Variants in PCNX1 observed in about 807,000 individuals in gnomAD.
PCNX1 encodes pecanex 1, also known as pecanex-like protein 1.
In PCNX1, 78 loss-of-function variants were observed where a neutral mutation model predicts 242.2. The ratio of observed to expected loss-of-function variants is 0.32; its 90% CI spans 0.27 to 0.39. The LOEUF (loss-of-function observed/expected upper bound fraction) is 0.39. Ranked by LOEUF, PCNX1 falls within the 10% of genes least tolerant of loss-of-function variation. The probability of loss-of-function intolerance (pLI) is 1.00; values close to 1 mark genes in which losing one functional copy is unlikely to be tolerated. For missense variants in PCNX1, 2,581 were observed against 2,856.5 expected (o/e 0.90, Z 2.20); for synonymous variants, 1,024 against 1,032.9 (o/e 0.99, Z 0.17).
chr14:70,928,748 A>G (rs748322525), intron 1 of PCNX1, among the ~76,000 whole-genome samples: 3 of 152,214 alleles, frequency 2.0e-5, no homozygotes, highest in Non-Finnish European at 4.4e-5. Context: ...AATGGCATGC[A>G]GTCTCCAGAT....
intron 16 of PCNX1, among the ~76,000 whole-genome samples, 171 bp from the exon 17 acceptor site, chr14:71,033,258 C>G (rs948011392): frequency 2.6e-5 from 4 of 152,150 alleles, no homozygotes; most frequent in Non-Finnish European, 5.9e-5. Context: ...TCTAACTCAT[C>G]AGAAAGTAAT....
chr14:70,968,219 C>G lies in PCNX1; in HGVS notation c.490C>G (p.Leu164Val), dbSNP rs1432189601. ...SNQIGSGSSR[L>V]GTAATIKGDT... The stretch of plus-strand genomic sequence containing the variant: ...TCAGATTGGATCTGGTTCCTCGCGT[C>G]TTGGAACAGCAGCAACTATTAAAGG... Residue 164 changes from leucine to valine, a missense_variant, in exon 4 of 36, where the codon CTT becomes GTT. This residue lies in a region of PCNX1 where 1,204 missense variants were observed against 1,216.7 expected (regional missense o/e 0.99). Coordinates refer to ENST00000304743, the MANE Select transcript of PCNX1 (RefSeq NM_014982.3). 6.2e-7 allele frequency: 1 copy of G among 1,613,108 alleles called. No individual in the cohort carries two copies. The highest frequency in any genetic ancestry group is 1.1e-5 in the South Asian group (1 of 91,028).
intron 27 of PCNX1, among the ~76,000 whole-genome samples, chr14:71,074,184 AC>A (rs2141439163): frequency 6.6e-6 from 1 of 152,362 alleles, no homozygotes; most frequent in Non-Finnish European, 1.5e-5. Flanking sequence ...AGATCCTCTA[AC>A]AAGTAGAGTT....
At chr14:71,105,063 C>A (rs1218377727) in intron 32 of PCNX1, among the ~76,000 whole-genome samples, 172 bp from the exon 33 acceptor site, 1 of 152,164 alleles carries the variant, frequency 6.6e-6, no homozygotes, top group Non-Finnish European at 1.5e-5. Flanking sequence ...GTTCTTAAGC[C>A]ACTCTTTGAA....
chr14:70,977,786 C>T lies in PCNX1; in HGVS notation c.1449C>T (p.Ser483=), dbSNP rs2058726925. ...SDEMHNQRGL[S]TSASEEANKN... ...AGATGCACAACCAGAGAGGTCTCAG[C>T]ACCTCTGCATCTGAAGAAGCCAATA... The change falls in exon 6 of 36, where the codon AGC becomes AGT. Residue 483 remains serine (S), a synonymous_variant. Coordinates refer to ENST00000304743, the MANE Select transcript of PCNX1 (RefSeq NM_014982.3). The T allele has an allele frequency of 2.5e-6, 4 of 1,613,974 alleles. No homozygotes were observed. Among genetic ancestry groups the T allele is most frequent in the East Asian group, 2.2e-5 (1 of 44,866 alleles).
In PCNX1 at chr14:71,047,209, G is replaced by A. The variant is rs1011257535; in HGVS notation, c.4160+104G>A. On this transcript the variant is annotated intron_variant, in intron 21 of 35. Coordinates refer to ENST00000304743, the MANE Select transcript of PCNX1 (RefSeq NM_014982.3). ...TAAATAATTGTTTCCTTCATGCAAG[G>A]CACTGTGAGATTAAAAATTTAGGTG... The A allele has an allele frequency of 1.5e-5, 10 of 676,426 alleles. No individual in the cohort carries two copies. The African/African-American group carries it at 1.9e-4, about 13-fold the overall frequency. 41.9% of individuals were successfully genotyped at this position (676,426 alleles called of 1,614,324 possible). A position where few individuals can be genotyped will look rare whatever the true frequency, so the allele number is the denominator to read the frequency against.
At chr14:71,051,825 G>T (rs1465127847) in intron 23 of PCNX1, 58 bp from the exon 24 acceptor site, 3 of 1,563,062 alleles carry the variant, frequency 1.9e-6, no homozygotes, top group East Asian at 2.3e-5. Context: ...TTTTGCGAGG[G>T]TTTGTTTGGC....
intron 1 of PCNX1, among the ~76,000 whole-genome samples, chr14:70,941,275 G>T (rs1566594366): frequency 6.6e-6 from 1 of 152,136 alleles, no homozygotes; most frequent in Non-Finnish European, 1.5e-5. Flanking sequence ...TCTACCTTTG[G>T]TCTTTGATGA....
At position 71,009,641 on chromosome 14, in the gene PCNX1, C is replaced by T. The variant is rs752766652; in HGVS notation, c.2637C>T (p.Phe879=). ...GSSLHDELGK[F]SSTLYETGGC... ...TAATCATTTATTTGCTAGGTAAGTT[C>T]TCTTCTACGCTGTATGAGACTGGTG... The change falls in exon 9 of 36, where the codon TTC becomes TTT. Residue 879 remains phenylalanine, a synonymous_variant. Coordinates refer to ENST00000304743, the MANE Select transcript of PCNX1 (RefSeq NM_014982.3). The T allele has an allele frequency of 6.5e-7, 1 of 1,545,184 alleles. No homozygotes were observed. Among genetic ancestry groups the T allele is most frequent in the Non-Finnish European group, 8.8e-7 (1 of 1,133,870 alleles).
chr14:70,984,410 G>A lies in PCNX1; in HGVS notation c.2312-4157G>A, dbSNP rs182542424. Among the ~76,000 whole-genome samples the A allele has an allele frequency of 7.4e-5, 11 of 148,940 alleles. 1 individual carries two copies. Among genetic ancestry groups the A allele is most frequent in the East Asian group, 2.0e-4 (1 of 5,124 alleles). On this transcript the variant is annotated intron_variant, in intron 6 of 35. Coordinates refer to ENST00000304743, the MANE Select transcript of PCNX1 (RefSeq NM_014982.3). Reference sequence around the variant, plus strand: ...ATTGACATCATTTTTTTTTTGAGACGGAGTCTCACTCTGTTGCCCAGGCTG... The same window carrying A: ...ATTGACATCATTTTTTTTTTGAGACAGAGTCTCACTCTGTTGCCCAGGCTG...
In PCNX1 at chr14:71,113,370, A is replaced by T. The variant is rs2141944658; in HGVS notation, c.*3435A>T. 1 of 152,762 alleles carries T rather than the reference A, an allele frequency of 6.5e-6. No individual in the cohort carries two copies. Among genetic ancestry groups the T allele is most frequent in the East Asian group, 1.9e-4 (1 of 5,194 alleles). 9.5% of individuals were successfully genotyped at this position (152,762 alleles called of 1,614,324 possible). A position where few individuals can be genotyped will look rare whatever the true frequency, so the allele number is the denominator to read the frequency against. On this transcript the variant is annotated 3_prime_UTR_variant, in exon 36 of 36. Transcript: ENST00000304743. ...ATATGGAAAATTACTCTGTATACTAAATGTCAGGCAATGAAAATGTAAGTT... is the reference window on the plus strand; with the variant it reads ...ATATGGAAAATTACTCTGTATACTATATGTCAGGCAATGAAAATGTAAGTT...
rs753773993 is a variant in PCNX1, at chr14:71,055,492, TA to T, written c.4578-11del. On this transcript the variant is annotated splice_polypyrimidine_tract_variant and intron_variant, in intron 24 of 35. Transcript: ENST00000304743. ...GTAAAGAAAGTTACTAAAAATGTTT[TA>T]TTTTCTTTAGCACAAAACGAGTGGA... is the stretch of plus-strand genomic sequence containing the variant. 1.1e-5 allele frequency: 17 copies of T among 1,563,306 alleles called. No individual in the cohort carries two copies. Among genetic ancestry groups the T allele is most frequent in the Non-Finnish European group, 1.5e-5 (17 of 1,138,324 alleles).
In PCNX1 at chr14:70,978,587, G is replaced by T. The variant is rs1197627167; in HGVS notation, c.2250G>T (p.Arg750Ser). 1 of 1,613,982 alleles carries T rather than the reference G, an allele frequency of 6.2e-7. No homozygotes were observed. The highest frequency in any genetic ancestry group is 1.3e-5 in the African/African-American group (1 of 74,924). ...AGTTAGAGACAGTCACTCGATCTAG[G>T]AATAGCTTGCCAAACCAGGTTGCAT... ...ASQLETVTRS[R>S]NSLPNQVAFP... The change falls in exon 6 of 36, where the codon AGG becomes AGT. Residue 750 changes from arginine to serine, a missense_variant. This residue lies in a region of PCNX1 where 1,204 missense variants were observed against 1,216.7 expected (regional missense o/e 0.99). Transcript: ENST00000304743.
Position 71,105,391 on chromosome 14 carries a change from A to C in PCNX1, c.6252A>C (p.Gly2084=). The C allele has an allele frequency of 6.2e-7, 1 of 1,614,108 alleles. No homozygotes were observed. Among genetic ancestry groups the C allele is most frequent in the Non-Finnish European group, 8.5e-7 (1 of 1,179,998 alleles). The stretch of plus-strand genomic sequence containing the variant: ...GAAGCATTGGAAATCCTGGGCAGGG[A>C]TCAGGAACTGGACTCCACCCACCTG... The part of the protein sequence containing the change: ...TQGSIGNPGQ[G]SGTGLHPPVT... The change falls in exon 33 of 36, where the codon GGA becomes GGC. Residue 2084 remains glycine (G), a synonymous_variant. Transcript: ENST00000304743.
chr14:71,097,638 T>G (rs535040377), intron 30 of PCNX1, among the ~76,000 whole-genome samples: 3 of 152,340 alleles, frequency 2.0e-5, no homozygotes, highest in Non-Finnish European at 2.9e-5. Context: ...TTAATGGGGT[T>G]GTTTTTTGCT....
At chr14:70,995,584 A>G (rs750406666) in intron 7 of PCNX1, among the ~76,000 whole-genome samples, 157 bp from the exon 8 acceptor site, 14 of 152,322 alleles carry the variant, frequency 9.2e-5, no homozygotes, top group East Asian at 3.9e-4. Flanking sequence ...TAAGTTGGCA[A>G]TGTAATCTGT....
chr14:71,006,733 ATATT>A (rs1237577320), intron 8 of PCNX1, among the ~76,000 whole-genome samples: 1 of 152,182 alleles, frequency 6.6e-6, no homozygotes, highest in African/African-American at 2.4e-5. Context: ...ATAGTAATAT[ATATT>A]TATTTCTGGT....
At chr14:71,096,462 T>G (rs1461846329) in intron 30 of PCNX1, among the ~76,000 whole-genome samples, 3 of 152,168 alleles carry the variant, frequency 2.0e-5, no homozygotes, top group Non-Finnish European at 4.4e-5. Flanking sequence ...CAAAGTGAGA[T>G]CCTGTCTCAA....
chr14:70,968,175 TTTAC>T lies in PCNX1; in HGVS notation c.469-20_469-17del. On this transcript the variant is annotated intron_variant, in intron 3 of 35. Coordinates refer to ENST00000304743, the MANE Select transcript of PCNX1 (RefSeq NM_014982.3). ...ATAGCTAGCATTTTAATTAGTTTTA[TTTAC>T]TTCATGTCACGTTTTCAGATTGGAT... The T allele has an allele frequency of 6.3e-7, 1 of 1,592,962 alleles. No individual in the cohort carries two copies. Among genetic ancestry groups the T allele is most frequent in the Non-Finnish European group, 8.6e-7 (1 of 1,160,786 alleles).
Sources: gnomAD v4.1 joint callset for allele counts (sites outside exome capture counted in the v4.1 genomes callset) on GRCh38, gnomAD v4.1.1 for gene constraint, gnomAD v4.1.1 regional missense constraint, MANE v1.5 for transcripts, NCBI Gene and HGNC (gene_info 2026-07-23, HGNC 2026-07-21) for gene names.